Variants in CADPS2 observed in about 807,000 individuals in gnomAD.
CADPS2 encodes calcium dependent secretion activator 2.
CADPS2 carries 93 observed loss-of-function variants against 172.5 expected under a neutral mutation model. That is an observed-to-expected ratio of 0.54 (90% CI 0.46 to 0.64). CADPS2 has a LOEUF of 0.64. Ranked by LOEUF, CADPS2 falls within the 30% of genes least tolerant of loss-of-function variation. CADPS2 has a pLI of 0.00. For missense variants in CADPS2, 1,420 were observed against 1,565.9 expected, an observed-to-expected ratio of 0.91 and a Z score of 1.57; for synonymous variants, 546 against 555.2, an observed-to-expected ratio of 0.98 and a Z score of 0.23.
intron 1 of CADPS2, among the ~76,000 whole-genome samples, chr7:122,786,534 A>G (rs1300280681): frequency 6.6e-6 from 1 of 152,192 alleles, no homozygotes; most frequent in Non-Finnish European, 1.5e-5. Context: ...TTTATGAAGA[A>G]CTTTGATATT....
chr7:122,754,672 CACCAAGTTG>C (rs1384021145), intron 1 of CADPS2, among the ~76,000 whole-genome samples: 1 of 152,114 alleles, frequency 6.6e-6, no homozygotes, highest in African/African-American at 2.4e-5. Flanking sequence ...AAACGGGTTT[CACCAAGTTG>C]GCCAGGTTGG....
In CADPS2 at chr7:122,640,196, G is replaced by A. The variant is rs543432313; in HGVS notation, c.787-10868C>T. Reference sequence around the variant, plus strand: ...CAATCCACCTAGAGTCATGTAGAGCGAAACCTAGAACCACATAGTTGAGAC... The same window carrying A: ...CAATCCACCTAGAGTCATGTAGAGCAAAACCTAGAACCACATAGTTGAGAC... On this transcript the variant is annotated intron_variant, in intron 3 of 29. Coordinates refer to ENST00000449022, the MANE Select transcript of CADPS2 (RefSeq NM_017954.11). Among the ~76,000 whole-genome samples the A allele has an allele frequency of 4.6e-5, 7 of 152,210 alleles. No individual in the cohort carries two copies. The South Asian group carries it at 6.2e-4, about 14-fold the overall frequency.
intron 1 of CADPS2, among the ~76,000 whole-genome samples, chr7:122,819,075 C>G (rs1802353579): frequency 6.6e-6 from 1 of 152,194 alleles, no homozygotes; most frequent in African/African-American, 2.4e-5. Context: ...AGTTGCAATT[C>G]CTTGCCTCCA....
intron 1 of CADPS2, among the ~76,000 whole-genome samples, chr7:122,746,009 T>C (rs928997145): frequency 1.3e-5 from 2 of 152,118 alleles, no homozygotes; most frequent in Admixed American, 1.3e-4. Flanking sequence ...GCAGGTCCCT[T>C]AACCTCAGTG....
At chr7:122,373,633 C>T (rs1563178111) in intron 25 of CADPS2, among the ~76,000 whole-genome samples, 2 of 152,018 alleles carry the variant, frequency 1.3e-5, no homozygotes, top group Non-Finnish European at 2.9e-5. Context: ...TCCAAAGGTG[C>T]AGATACCAAT....
chr7:122,396,910 T>C (rs551247834), intron 20 of CADPS2, among the ~76,000 whole-genome samples: 1 of 152,336 alleles, frequency 6.6e-6, no homozygotes, highest in South Asian at 2.1e-4. Flanking sequence ...GAGCAAGTAA[T>C]CAAATGTTTG....
chr7:122,731,608 T>C (rs1332831121), intron 2 of CADPS2, among the ~76,000 whole-genome samples: 2 of 151,364 alleles, frequency 1.3e-5, no homozygotes, highest in Non-Finnish European at 3.0e-5. Context: ...CTTGTAGAAT[T>C]TGTGTACATT....
intron 1 of CADPS2, among the ~76,000 whole-genome samples, chr7:122,798,457 T>C (rs1489080921): frequency 6.6e-6 from 1 of 152,220 alleles, no homozygotes; most frequent in Non-Finnish European, 1.5e-5. Flanking sequence ...CAGAGGACAT[T>C]TGTTTATAGC....
intron 17 of CADPS2, among the ~76,000 whole-genome samples, chr7:122,437,705 CTGTTGAATAAAAG>C (rs1318655360): frequency 6.6e-6 from 1 of 151,670 alleles, no homozygotes; most frequent in Non-Finnish European, 1.5e-5. Context: ...TTGAATAAAA[CTGTTGAATAAAAG>C]CTGATTTTGT....
chr7:122,868,568 T>C (rs1225371502), intron 1 of CADPS2, among the ~76,000 whole-genome samples: 1 of 152,010 alleles, frequency 6.6e-6, no homozygotes, highest in Non-Finnish European at 1.5e-5. Flanking sequence ...GAATATAGAA[T>C]CCCTGATTGG....
Position 122,457,393 on chromosome 7 carries a change from T to G in CADPS2, c.2187-5918A>C, listed in dbSNP as rs542483427. ...TTTGTAACACCAATAAAAACTAATT[T>G]TGACATGTTTAATATCCATTCCTTT... is the stretch of plus-strand genomic sequence containing the variant. On this transcript the variant is annotated intron_variant, in intron 14 of 29. Transcript: ENST00000449022. Among the ~76,000 whole-genome samples, 45 of 152,336 alleles carry G rather than the reference T, an allele frequency of 3.0e-4. 2 individuals carry two copies. In the South Asian group the frequency reaches 8.9e-3, roughly 30 times the overall value.
At chr7:122,636,469 T>TG (rs2077074348) in intron 3 of CADPS2, among the ~76,000 whole-genome samples, 1 of 142,114 alleles carries the variant, frequency 7.0e-6, no homozygotes, top group Admixed American at 7.0e-5. Context: ...GATGTTTTTT[T>TG]TTTTTTTTTT....
chr7:122,649,669 T>C (rs1200986307), intron 3 of CADPS2, among the ~76,000 whole-genome samples: 1 of 152,180 alleles, frequency 6.6e-6, no homozygotes, highest in African/African-American at 2.4e-5. Flanking sequence ...GCCACCCATG[T>C]GCTCCTGCTG....
chr7:122,406,320 T>A (rs1308094378), intron 20 of CADPS2, among the ~76,000 whole-genome samples: 1 of 152,198 alleles, frequency 6.6e-6, no homozygotes, highest in Non-Finnish European at 1.5e-5. Flanking sequence ...CAGAAAGATA[T>A]AGCAGTGGCC....
intron 1 of CADPS2, among the ~76,000 whole-genome samples, chr7:122,738,148 T>A (rs771765529): frequency 1.2e-4 from 18 of 152,100 alleles, no homozygotes; most frequent in Non-Finnish European, 1.9e-4. Context: ...GAATTAGACA[T>A]GAAATGTGAC....
chr7:122,629,405 A>T, intron 3 of CADPS2, 77 bp from the exon 4 acceptor site: 1 of 1,001,228 alleles, frequency 1.0e-6, no homozygotes, highest in Non-Finnish European at 1.4e-6. Context: ...AGGCAGTCCC[A>T]CAGACTAAGG....
intron 1 of CADPS2, among the ~76,000 whole-genome samples, chr7:122,860,680 T>C (rs1276222417): frequency 6.6e-6 from 1 of 152,098 alleles, no homozygotes; most frequent in Non-Finnish European, 1.5e-5. Context: ...ATATCAGGAT[T>C]TCTCTTATAA....
chr7:122,472,847 C>A (rs1016354961), intron 13 of CADPS2, among the ~76,000 whole-genome samples: 3 of 152,012 alleles, frequency 2.0e-5, no homozygotes, highest in Non-Finnish European at 4.4e-5. Context: ...TTAGTGTCAG[C>A]GTGGCAATAA....
chr7:122,615,391 G>T, intron 5 of CADPS2, 92 bp from the exon 6 acceptor site: 2 of 786,574 alleles, frequency 2.5e-6, no homozygotes, highest in Non-Finnish European at 3.7e-6. Context: ...AAGGAAGATT[G>T]ACAAAACTGA....
Sources: gnomAD v4.1 joint callset for allele counts (sites outside exome capture counted in the v4.1 genomes callset) on GRCh38, gnomAD v4.1.1 for gene constraint, MANE v1.5 for transcripts, NCBI Gene and HGNC (gene_info 2026-07-23, HGNC 2026-07-21) for gene names.